GPA33: variants seen among roughly 807,000 people sequenced by gnomAD.
The protein encoded by GPA33 is glycoprotein A33.
Under a neutral mutation model 35.6 loss-of-function variants are expected in GPA33, and 27 were observed. That is an observed-to-expected ratio of 0.76 (90% CI 0.56 to 1.04). The LOEUF is 1.04. Among genes scored for constraint, GPA33 ranks in the 50% least tolerant of loss-of-function variants. The probability of loss-of-function intolerance (pLI) is 0.00; values close to 1 mark genes in which losing one functional copy is unlikely to be tolerated. For synonymous variants in GPA33, 176 were observed against 164.0 expected, an observed-to-expected ratio of 1.07 and a Z score of -0.56; for missense variants, 428 against 411.9, an observed-to-expected ratio of 1.04 and a Z score of -0.34.
chr1:167,059,551 C>T (rs772705638), intron 4 of GPA33, among the ~76,000 whole-genome samples: 3 of 151,994 alleles, frequency 2.0e-5, no homozygotes, highest in Non-Finnish European at 2.9e-5. Flanking sequence ...AGGGCCCTCA[C>T]GATCCTCCTT....
At chr1:167,070,685 AG>A (rs1046359587) in intron 2 of GPA33, among the ~76,000 whole-genome samples, 1 of 152,216 alleles carries the variant, frequency 6.6e-6, no homozygotes, top group Non-Finnish European at 1.5e-5. Context: ...GAAGGAGAAA[AG>A]GGACTGGTTA....
intron 2 of GPA33, 50 bp from the exon 3 acceptor site, chr1:167,069,188 G>A: frequency 1.5e-6 from 2 of 1,332,516 alleles, no homozygotes; most frequent in Non-Finnish European, 2.1e-6. Flanking sequence ...GCCCTTGCCT[G>A]GTGCTTCCAG....
chr1:167,063,486 G>T (rs1044336464), intron 4 of GPA33, 96 bp downstream of exon 4: 1 of 1,075,936 alleles, frequency 9.3e-7, no homozygotes, highest in Non-Finnish European at 1.4e-6. Context: ...CCTTCAGGGG[G>T]ATCTGATCGG....
intron 3 of GPA33, among the ~76,000 whole-genome samples, chr1:167,065,574 G>A (rs146841412): frequency 2.6e-5 from 4 of 152,262 alleles, no homozygotes; most frequent in East Asian, 3.9e-4. Flanking sequence ...CCAGGTGCAC[G>A]GTCGCTGAGC....
rs1666173692 is a variant in GPA33, at chr1:167,054,053, G to GA, written c.*280dup. The GA allele has an allele frequency of 2.2e-6, 1 of 445,440 alleles. No individual in the cohort carries two copies. The allele number at this position is 445,440 out of a possible 1,614,324, so 27.6% of individuals were successfully genotyped here. On this transcript the variant is annotated 3_prime_UTR_variant, in exon 7 of 7. Transcript: ENST00000367868. ...CCAGGAGCTCCTGCCAACTACGAGG[G>GA]AAGTGGAGGCTGCAGCCTGGTCTTG...
Position 167,073,472 on chromosome 1 carries a change from C to G in GPA33, c.111G>C (p.Lys37Asn). The G allele has an allele frequency of 6.2e-7, 1 of 1,612,748 alleles. No homozygotes were observed. Among genetic ancestry groups the G allele is most frequent in the Non-Finnish European group, 8.5e-7 (1 of 1,178,702 alleles). ...GGTAGGTGCAGGGCAGGGTGACACT[C>G]TTTCCCTGCGAAGCCCGAAGAACGT... Reference protein sequence around the residue: ...PQDVLRASQGKSVTLPCTYHT... With the variant: ...PQDVLRASQGNSVTLPCTYHT... Residue 37 changes from lysine (K) to asparagine (N), a missense_variant, in exon 2 of 7, where the codon AAG becomes AAC. Transcript: ENST00000367868.
intron 1 of GPA33, among the ~76,000 whole-genome samples, chr1:167,081,325 G>T (rs984938383): frequency 5.9e-5 from 9 of 152,204 alleles, no homozygotes; most frequent in Non-Finnish European, 1.2e-4. Context: ...CTGGAGGCCA[G>T]AAAGGACCCA....
chr1:167,054,879 C>T, intron 6 of GPA33, 97 bp downstream of exon 6: 1 of 1,400,416 alleles, frequency 7.1e-7, no homozygotes, highest in Non-Finnish European at 9.9e-7. Flanking sequence ...TGATATACCC[C>T]AAGGGGTGCT....
At chr1:167,079,765 G>A (rs1666889430) in intron 1 of GPA33, among the ~76,000 whole-genome samples, 1 of 152,214 alleles carries the variant, frequency 6.6e-6, no homozygotes, top group African/African-American at 2.4e-5. Flanking sequence ...GAAGACATCT[G>A]GCTGGACTTT....
At chr1:167,077,656 A>G (rs557105421) in intron 1 of GPA33, among the ~76,000 whole-genome samples, 1 of 152,340 alleles carries the variant, frequency 6.6e-6, no homozygotes, top group East Asian at 1.9e-4. Flanking sequence ...CCACTAAGTC[A>G]TTCCTTTAGA....
intron 1 of GPA33, chr1:167,078,492 ACT>A (rs1442815021): frequency 6.6e-6 from 1 of 152,076 alleles, no homozygotes; most frequent in African/African-American, 2.4e-5. Flanking sequence ...GAGAGGCGAG[ACT>A]CTGCCAAATG....
At chr1:167,084,265 G>A (rs1427011094) in intron 1 of GPA33, among the ~76,000 whole-genome samples, 3 of 152,186 alleles carry the variant, frequency 2.0e-5, no homozygotes, top group Non-Finnish European at 4.4e-5. Context: ...AGGCAGCTGT[G>A]GCAGTAGCTT....
chr1:167,079,455 G>A (rs1000076985), intron 1 of GPA33, among the ~76,000 whole-genome samples: 1 of 148,024 alleles, frequency 6.8e-6, no homozygotes, highest in Admixed American at 6.8e-5. Flanking sequence ...TCACACCACA[G>A]CCTGGGCGAC....
intron 1 of GPA33, among the ~76,000 whole-genome samples, chr1:167,079,674 A>T (rs544119335): frequency 1.3e-5 from 2 of 152,194 alleles, no homozygotes; most frequent in African/African-American, 4.8e-5. Context: ...GCCAACAGCC[A>T]TCTTGGGAAT....
chr1:167,055,866 G>T lies in GPA33; in HGVS notation c.572-17C>A, dbSNP rs1388869566. 1 of 1,613,668 alleles carries T rather than the reference G, an allele frequency of 6.2e-7. No homozygotes were observed. Among genetic ancestry groups the T allele is most frequent in the South Asian group, 1.1e-5 (1 of 91,052 alleles). ...GACCTGAGGCTGCAGGGGAAGAAGAGTCAGGGTGAAGAGAGGCACTACAGT... is the reference window on the plus strand; with the variant it reads ...GACCTGAGGCTGCAGGGGAAGAAGATTCAGGGTGAAGAGAGGCACTACAGT... On this transcript the variant is annotated splice_polypyrimidine_tract_variant and intron_variant, in intron 4 of 6. Coordinates refer to ENST00000367868, the MANE Select transcript of GPA33 (RefSeq NM_005814.3).
chr1:167,064,238 C>G lies in GPA33; in HGVS notation c.416-501G>C, dbSNP rs542791245. On this transcript the variant is annotated intron_variant, in intron 3 of 6. Coordinates refer to ENST00000367868, the MANE Select transcript of GPA33 (RefSeq NM_005814.3). ...GGCGGAGGTTGCAGTGAGCTGAGAT[C>G]GTGCCATAGCACTCCAGCTTGGGCA... Among the ~76,000 whole-genome samples, 3 of 151,876 alleles carry G rather than the reference C, an allele frequency of 2.0e-5. No homozygotes were observed. In the South Asian group the frequency reaches 6.3e-4, roughly 32 times the overall value.
intron 4 of GPA33, among the ~76,000 whole-genome samples, chr1:167,062,836 G>A (rs1481845732): frequency 1.3e-5 from 2 of 151,964 alleles, no homozygotes; most frequent in Non-Finnish European, 2.9e-5. Flanking sequence ...GGGGCAGCGG[G>A]GGTCCGTGAC....
intron 1 of GPA33, among the ~76,000 whole-genome samples, chr1:167,080,053 T>C (rs538493543): frequency 1.3e-4 from 20 of 152,278 alleles, no homozygotes; most frequent in South Asian, 8.3e-4. Context: ...CTTCCTTGTA[T>C]AGGTTGGCAT....
intron 4 of GPA33, among the ~76,000 whole-genome samples, chr1:167,061,971 C>G (rs1046260954): frequency 6.6e-6 from 1 of 152,088 alleles, no homozygotes; most frequent in African/African-American, 2.4e-5. Context: ...CTGGGCTTAT[C>G]CAGGACACCA....
Sources: allele counts gnomAD v4.1 joint callset (sites outside exome capture counted in the v4.1 genomes callset), GRCh38; gene constraint gnomAD v4.1.1; transcripts MANE v1.5; gene names NCBI Gene and HGNC (gene_info 2026-07-23, HGNC 2026-07-21).